CDCA3: variants seen among roughly 807,000 people sequenced by gnomAD.
CDCA3 encodes the protein cell division cycle-associated protein 3.
A neutral mutation model predicts 29.1 loss-of-function variants in CDCA3; 16 were observed. The ratio of observed to expected loss-of-function variants is 0.55; its 90% CI spans 0.37 to 0.83. The LOEUF is 0.83. CDCA3 is among the 40% of genes least tolerant of loss of function. The pLI is 0.00. For synonymous variants in CDCA3, 88 were observed against 124.5 expected (o/e 0.71, Z 1.95); for missense variants, 291 against 327.2 (o/e 0.89, Z 0.85).
downstream of CDCA3, chr12:6,848,726 A>G (rs1943753553): frequency 2.9e-6 from 1 of 341,380 alleles, no homozygotes; most frequent in South Asian, 3.8e-5. Flanking sequence ...TTAAAGGGAG[A>G]TGTGCAAAGA....
chr12:6,844,986 C>G (rs1943656090), downstream of CDCA3: 1 of 152,370 alleles, frequency 6.6e-6, no homozygotes. Flanking sequence ...CACCAATAGC[C>G]TCAAAAATGT....
rs781943723 is a variant in CDCA3 at position 6,849,715 on chromosome 12, C to A, written c.394G>T (p.Val132Phe). 1.4e-5 allele frequency: 22 copies of A among 1,613,994 alleles called. No individual in the cohort carries two copies. The highest frequency in any genetic ancestry group is 1.3e-4 in the South Asian group (12 of 91,088). Residue 132 changes from valine to phenylalanine, a missense_variant, in exon 4 of 6, where the codon GTT (valine) becomes TTT (phenylalanine). By Grantham distance (50) the Val-to-Phe change is conservative (BLOSUM62 -1). Transcript: ENST00000538862. The surrounding 1 kb of genome is among the most constrained non-coding windows in gnomAD (Gnocchi z 5.2). ...LDLPLGTQLS[V>F]EEQMPPWNQT... ...TTCCAAGGTGGCATCTGTTCCTCAA[C>A]AGATAACTGGGTACCCAGAGGCAAG...
chr12:6,846,701 C>G (rs76214301), downstream of CDCA3: 4 of 683,702 alleles, frequency 5.9e-6, no homozygotes, highest in Admixed American at 4.3e-5. Flanking sequence ...ACACACACAC[C>G]CACACACCCA....
chr12:6,849,800 T>G lies in CDCA3; in HGVS notation c.309A>C (p.Lys103Asn). The stretch of plus-strand genomic sequence containing the variant: ...GAACAGGCTCTGGGGGAAGATTTGA[T>G]TTAGAGTCTTCAGTTTCAAATACTT... The part of the protein sequence containing the change: ...LSEVFETEDS[K>N]SNLPPEPVLP... Residue 103 changes from lysine to asparagine, a missense_variant, in exon 4 of 6, where the codon AAA (lysine) becomes AAC (asparagine). Physicochemically the swap from Lys to Asn is moderately conservative, Grantham distance 94. Transcript: ENST00000538862. The surrounding 1 kb of genome is among the most constrained non-coding windows in gnomAD (Gnocchi z 5.2). 2 of 1,587,576 alleles carry G rather than the reference T, an allele frequency of 1.3e-6. No individual in the cohort carries two copies. Among genetic ancestry groups the G allele is most frequent in the South Asian group, 2.3e-5 (2 of 88,146 alleles).
downstream of CDCA3, chr12:6,845,756 C>T (rs753136154): frequency 1.4e-5 from 23 of 1,613,976 alleles, no homozygotes; most frequent in South Asian, 4.4e-5. Context: ...CTGGCTACGA[C>T]GACTTCAACT....
At chr12:6,845,435 G>A, downstream of CDCA3, 2 of 625,004 alleles carry the variant, frequency 3.2e-6, no homozygotes, top group Non-Finnish European at 5.8e-6. Context: ...GTGTTGGCAG[G>A]GCTGCTTCTC....
At position 6,849,966 on chromosome 12, in the gene CDCA3, G is replaced by A. The variant is rs781929134; in HGVS notation, c.251-108C>T. 85 of 1,040,170 alleles carry A rather than the reference G, an allele frequency of 8.2e-5. No homozygotes were observed. Among genetic ancestry groups the A allele is most frequent in the Non-Finnish European group, 5.2e-5 (39 of 746,842 alleles). The allele number at this position is 1,040,170 out of a possible 1,614,324, so 64.4% of individuals were successfully genotyped here. On this transcript the variant is annotated intron_variant, in intron 3 of 5. Transcript: ENST00000538862. The surrounding 1 kb of genome is among the most constrained non-coding windows in gnomAD (Gnocchi z 5.2). ...CATGCCCAGGAGGGTGAGCAAGTGGGAAGAGAGAAATCAAGGAAATCAAGG... is the reference window on the plus strand; with the variant it reads ...CATGCCCAGGAGGGTGAGCAAGTGGAAAGAGAGAAATCAAGGAAATCAAGG...
rs1035342190 is a variant in CDCA3, at chr12:6,850,394, G to A, written c.250+73C>T. The A allele has an allele frequency of 1.3e-6, 2 of 1,587,354 alleles. No individual in the cohort carries two copies. Among genetic ancestry groups the A allele is most frequent in the Non-Finnish European group, 8.6e-7 (1 of 1,159,242 alleles). On this transcript the variant is annotated intron_variant, in intron 3 of 5. Coordinates refer to ENST00000538862, the MANE Select transcript of CDCA3 (RefSeq NM_031299.7). This position sits in a 1 kb window ranked among gnomAD's most constrained non-coding sequence, Gnocchi z 4.7. ...GAGGCCCCTTTAAGGAACCCTGAGA[G>A]AATGGCTTCATGGACCCTACCCAAG...
chr12:6,847,210 G>A, downstream of CDCA3: 1 of 356,940 alleles, frequency 2.8e-6, no homozygotes, highest in African/African-American at 2.0e-5. Context: ...TGAGGCCCCA[G>A]GCCCTAGGAT....
chr12:6,849,599 C>T lies in CDCA3; in HGVS notation c.510G>A (p.Lys170=). 6.2e-7 allele frequency: 1 copy of T among 1,613,354 alleles called. No homozygotes were observed. Among genetic ancestry groups the T allele is most frequent in the South Asian group, 1.1e-5 (1 of 91,002 alleles). ...TGGGAGTCTCAGGGTCCCTTGAGGG[C>T]TTGTCGGAGCTCTGGCTGGCCACAG... ...ETPVASQSSD[K]PSRDPETPRS... is the part of the protein sequence containing the mutation. The change falls in exon 4 of 6, where the codon AAG becomes AAA. Residue 170 remains lysine, a synonymous_variant. Transcript: ENST00000538862. The surrounding 1 kb of genome is among the most constrained non-coding windows in gnomAD (Gnocchi z 5.2).
At chr12:6,851,130 G>T in intron 1 of CDCA3, 92 bp downstream of exon 1, 2 of 1,404,334 alleles carry the variant, frequency 1.4e-6, no homozygotes, top group South Asian at 1.6e-5. Flanking sequence ...AGAGGCCTCT[G>T]CGGAGTTAAT....
At chr12:6,846,697 A>ATACC, downstream of CDCA3, 1 of 530,912 alleles carries the variant, frequency 1.9e-6, no homozygotes, top group Non-Finnish European at 3.3e-6. Context: ...ATACACACAC[A>ATACC]CACCCACACA....
At chr12:6,845,263 G>A (rs1459803520), downstream of CDCA3, 1 of 331,366 alleles carries the variant, frequency 3.0e-6, no homozygotes, top group African/African-American at 2.1e-5. Context: ...CAGCCCACTT[G>A]TGTAGTCTGG....
chr12:6,848,830 C>A lies in CDCA3; in HGVS notation c.*213G>T, dbSNP rs782635325. ...AAACTCGGTGCAAGGTTTACATATA[C>A]CTTTTTAAAGTAACATTTAAAATTA... On this transcript the variant is annotated 3_prime_UTR_variant, in exon 6 of 6. Coordinates refer to ENST00000538862, the MANE Select transcript of CDCA3 (RefSeq NM_031299.7). 3 of 570,276 alleles carry A rather than the reference C, an allele frequency of 5.3e-6. No individual in the cohort carries two copies. The highest frequency in any genetic ancestry group is 4.4e-5 in the South Asian group (2 of 45,230). 35.3% of individuals were successfully genotyped at this position (570,276 alleles called of 1,614,324 possible). A position where few individuals can be genotyped will look rare whatever the true frequency, so the allele number is the denominator to read the frequency against.
rs995062589 is a variant in CDCA3, at chr12:6,849,028, G to A, written c.*15C>T. The A allele has an allele frequency of 2.4e-6, 2 of 845,562 alleles. No individual in the cohort carries two copies. Among genetic ancestry groups the A allele is most frequent in the Admixed American group, 1.7e-5 (1 of 59,034 alleles). The allele number at this position is 845,562 out of a possible 1,614,324, so 52.4% of individuals were successfully genotyped here. A position where few individuals can be genotyped will look rare whatever the true frequency, so the allele number is the denominator to read the frequency against. ...CCAGGCCCTGGGTGACTGCATTGCTGGGGCCATGCAGGGCCTAGCTCTCCA... is the reference window on the plus strand; with the variant it reads ...CCAGGCCCTGGGTGACTGCATTGCTAGGGCCATGCAGGGCCTAGCTCTCCA... On this transcript the variant is annotated 3_prime_UTR_variant, in exon 6 of 6. Coordinates refer to ENST00000538862, the MANE Select transcript of CDCA3 (RefSeq NM_031299.7). The surrounding 1 kb of genome is among the most constrained non-coding windows in gnomAD (Gnocchi z 5.2).
intron 1 of CDCA3, 51 bp from the exon 2 acceptor site, chr12:6,851,060 T>G (rs782186396): frequency 1.9e-4 from 276 of 1,454,462 alleles, no homozygotes; most frequent in Admixed American, 4.3e-4. Context: ...CGTCGGACCT[T>G]CAACCCTAAA....
downstream of CDCA3, chr12:6,845,600 A>T: frequency 6.2e-7 from 1 of 1,610,780 alleles, no homozygotes; most frequent in African/African-American, 1.3e-5. Flanking sequence ...TCCCCAATGG[A>T]GAGGCCATCT....
Position 6,849,540 on chromosome 12 carries a change from C to T in CDCA3, c.544+25G>A, listed in dbSNP as rs144997496. Reference sequence around the variant, plus strand: ...AAAACATTATCCTAGTTTATCTTCCCTGCATCTTGCCTTAGATTCTGTACC... The same window carrying T: ...AAAACATTATCCTAGTTTATCTTCCTTGCATCTTGCCTTAGATTCTGTACC... On this transcript the variant is annotated intron_variant, in intron 4 of 5. Transcript: ENST00000538862. The surrounding 1 kb of genome is among the most constrained non-coding windows in gnomAD (Gnocchi z 5.2). 5.0e-6 allele frequency: 8 copies of T among 1,591,264 alleles called. No individual in the cohort carries two copies. The African/African-American group carries it at 9.4e-5, about 19-fold the overall frequency.
At chr12:6,848,749 T>G, downstream of CDCA3, 2 of 398,538 alleles carry the variant, frequency 5.0e-6, no homozygotes, top group Non-Finnish European at 9.0e-6. Flanking sequence ...GCTCAGAGCA[T>G]CAGTGGGCTC....
Sources: allele counts gnomAD v4.1 joint callset, GRCh38; gene constraint gnomAD v4.1.1; non-coding constraint Gnocchi (gnomAD v3.1); transcripts MANE v1.5; gene names NCBI Gene and HGNC (gene_info 2026-07-23, HGNC 2026-07-21).